Variants in ZFYVE16 observed in about 807,000 individuals in gnomAD.
ZFYVE16 encodes the protein zinc finger FYVE domain-containing protein 16.
A neutral mutation model predicts 138.1 loss-of-function variants in ZFYVE16; 89 were observed. The ratio of observed to expected loss-of-function variants is 0.64; its 90% CI spans 0.54 to 0.77. The LOEUF (loss-of-function observed/expected upper bound fraction) is 0.77. Among genes scored for constraint, ZFYVE16 ranks in the 30% least tolerant of loss-of-function variants. The probability of loss-of-function intolerance (pLI) is 0.00; values close to 1 mark genes in which losing one functional copy is unlikely to be tolerated. For missense variants in ZFYVE16, 1,793 were observed against 1,786.7 expected, an observed-to-expected ratio of 1.00 and a Z score of -0.06; for synonymous variants, 596 against 618.3, an observed-to-expected ratio of 0.96 and a Z score of 0.53.
chr5:80,456,109 G>C (rs969021663), intron 12 of ZFYVE16: 29 of 301,802 alleles, frequency 9.6e-5, no homozygotes, highest in Non-Finnish European at 1.7e-4. Context: ...AAGTCAGTCA[G>C]TCTTGTGATT....
chr5:80,450,249 C>T (rs1006329913), intron 9 of ZFYVE16, among the ~76,000 whole-genome samples, 182 bp from the exon 10 acceptor site: 3 of 121,352 alleles, frequency 2.5e-5, no homozygotes, highest in Non-Finnish European at 5.5e-5. Flanking sequence ...TTAATTGGCT[C>T]CCTATGATAA....
rs1755304593 is a variant in ZFYVE16, at chr5:80,482,408, T to C, written c.*5031T>C. ...AAAGTGAAAAAAATGAGAAGACCTT[T>C]GGGGATCTGTGGGACAATATGAAAC... On this transcript the variant is annotated 3_prime_UTR_variant, in exon 19 of 19. Coordinates refer to ENST00000505560, the MANE Select transcript of ZFYVE16 (RefSeq NM_001284236.3). 6.6e-6 allele frequency: 1 copy of C among 152,108 alleles called. No homozygotes were observed. Among genetic ancestry groups the C allele is most frequent in the Non-Finnish European group, 1.5e-5 (1 of 68,024 alleles). 9.4% of individuals were successfully genotyped at this position (152,108 alleles called of 1,614,324 possible).
intron 1 of ZFYVE16, among the ~76,000 whole-genome samples, chr5:80,426,628 ATTG>A (rs1748120766): frequency 6.6e-6 from 1 of 152,166 alleles, no homozygotes; most frequent in African/African-American, 2.4e-5. Flanking sequence ...AGGACATGAT[ATTG>A]TTCCTTTTTA....
chr5:80,423,116 A>G (rs1358975924), intron 1 of ZFYVE16, among the ~76,000 whole-genome samples: 1 of 152,050 alleles, frequency 6.6e-6, no homozygotes, highest in Non-Finnish European at 1.5e-5. Context: ...TTTTCTTTAG[A>G]TGTTTGGCAA....
At chr5:80,473,891 G>A in intron 17 of ZFYVE16, 32 bp downstream of exon 17, 2 of 1,527,828 alleles carry the variant, frequency 1.3e-6, no homozygotes, top group Non-Finnish European at 1.8e-6. Context: ...TTTACATGCT[G>A]TGTTTCAATA....
At chr5:80,474,931 G>C (rs539195261) in intron 18 of ZFYVE16, 101 bp downstream of exon 18, 2 of 1,288,834 alleles carry the variant, frequency 1.6e-6, no homozygotes, top group African/African-American at 3.0e-5. Flanking sequence ...ACGAAAATTT[G>C]TTGAGCATCA....
At chr5:80,450,228 A>G (rs1751835826) in intron 9 of ZFYVE16, among the ~76,000 whole-genome samples, 1 of 150,246 alleles carries the variant, frequency 6.7e-6, no homozygotes, top group Non-Finnish European at 1.5e-5. Flanking sequence ...CTTTTATTTT[A>G]GTGTTATTTA....
At chr5:80,454,392 T>G (rs1752292169) in intron 11 of ZFYVE16, 1 of 152,234 alleles carries the variant, frequency 6.6e-6, no homozygotes, top group Admixed American at 6.5e-5. Context: ...GTAAGGTCTC[T>G]TTTCCTTTTT....
rs1386211461 is a variant in ZFYVE16, at chr5:80,408,128, A to G, written c.-119A>G. On this transcript the variant is annotated 5_prime_UTR_variant, in exon 1 of 19. Coordinates refer to ENST00000505560, the MANE Select transcript of ZFYVE16 (RefSeq NM_001284236.3). The stretch of plus-strand genomic sequence containing the variant: ...AGCGCGACGTCGTGTCGAGTTCCCA[A>G]AAAGCTCCGCAGGGGCTGTAGGGAG... The G allele has an allele frequency of 6.6e-6, 1 of 152,200 alleles. No individual in the cohort carries two copies. The highest frequency in any genetic ancestry group is 1.5e-5 in the Non-Finnish European group (1 of 68,040). The allele number at this position is 152,200 out of a possible 1,614,324, so 9.4% of individuals were successfully genotyped here.
At chr5:80,414,234 C>G (rs1399695072) in intron 1 of ZFYVE16, among the ~76,000 whole-genome samples, 1 of 152,194 alleles carries the variant, frequency 6.6e-6, no homozygotes, top group African/African-American at 2.4e-5. Flanking sequence ...TCAGTCTCCT[C>G]TTAGTAGATT....
At chr5:80,426,039 A>T (rs532219975) in intron 1 of ZFYVE16, among the ~76,000 whole-genome samples, 3 of 152,094 alleles carry the variant, frequency 2.0e-5, no homozygotes, top group African/African-American at 7.2e-5. Context: ...ATATTTTGTA[A>T]ATAAAGGGCA....
chr5:80,419,903 C>T (rs1746844180), intron 1 of ZFYVE16, among the ~76,000 whole-genome samples: 3 of 151,452 alleles, frequency 2.0e-5, no homozygotes, highest in African/African-American at 7.3e-5. Flanking sequence ...CATCCGCCTC[C>T]CGGGTTCAAG....
intron 15 of ZFYVE16, among the ~76,000 whole-genome samples, chr5:80,460,260 G>A (rs1350998391): frequency 6.6e-6 from 1 of 151,928 alleles, no homozygotes; most frequent in Non-Finnish European, 1.5e-5. Flanking sequence ...CATATTTATT[G>A]GACATGCATG....
intron 1 of ZFYVE16, among the ~76,000 whole-genome samples, chr5:80,425,062 A>ATGT (rs1470631155): frequency 6.6e-6 from 1 of 152,148 alleles, no homozygotes; most frequent in Non-Finnish European, 1.5e-5. Flanking sequence ...CTGGTGTAAT[A>ATGT]TGTTACCTGT....
intron 8 of ZFYVE16, 43 bp from the exon 9 acceptor site, chr5:80,449,548 A>G: frequency 6.4e-7 from 1 of 1,556,620 alleles, no homozygotes; most frequent in African/African-American, 1.4e-5. Context: ...AGCATATTTA[A>G]CAGGATATTT....
Position 80,430,708 on chromosome 5 carries a change from C to G in ZFYVE16, c.-40+3163C>G, listed in dbSNP as rs184510574. ...GACTGCTAGCAAGACTGATAAAGAA[C>G]AAAAGAGAGAAGAATCAAATAGACG... On this transcript the variant is annotated intron_variant, in intron 2 of 18. Transcript: ENST00000505560. Among the ~76,000 whole-genome samples, 15 of 151,876 alleles carry G rather than the reference C, an allele frequency of 9.9e-5. No homozygotes were observed. The East Asian group carries it at 1.2e-3, about 12-fold the overall frequency.
intron 6 of ZFYVE16, among the ~76,000 whole-genome samples, chr5:80,443,501 C>G (rs1750952663): frequency 6.6e-6 from 1 of 152,184 alleles, no homozygotes; most frequent in African/African-American, 2.4e-5. Context: ...GCAACCACCA[C>G]AACTGGAGTT....
At position 80,479,933 on chromosome 5, in the gene ZFYVE16, GC is replaced by G. The variant is rs1019354712; in HGVS notation, c.*2560del. Among the ~76,000 whole-genome samples, 5 of 152,136 alleles carry G rather than the reference GC, an allele frequency of 3.3e-5. No homozygotes were observed. Among genetic ancestry groups the G allele is most frequent in the Non-Finnish European group, 5.9e-5 (4 of 68,030 alleles). On this transcript the variant is annotated 3_prime_UTR_variant, in exon 19 of 19. Transcript: ENST00000505560. ...TAAAAGAACAGGCAAGTTTAGAATT[GC>G]CCCAGTGATCTAAAGAATCTTAAGC...
intron 1 of ZFYVE16, among the ~76,000 whole-genome samples, chr5:80,410,562 C>T (rs1286557979): frequency 4.6e-5 from 7 of 151,994 alleles, no homozygotes; most frequent in Admixed American, 3.9e-4. Flanking sequence ...TGTAAGGAAA[C>T]GTGCTGTACT....
Sources: gnomAD v4.1 joint callset for allele counts (sites outside exome capture counted in the v4.1 genomes callset) on GRCh38, gnomAD v4.1.1 for gene constraint, MANE v1.5 for transcripts, NCBI Gene and HGNC (gene_info 2026-07-23, HGNC 2026-07-21) for gene names.